The following AKAP6 variants were observed in gnomAD, a reference collection of about 807,000 sequenced individuals.
AKAP6 encodes the protein A-kinase anchor protein 6.
In AKAP6, 58 loss-of-function variants were observed where a neutral mutation model predicts 188.5. That is an observed-to-expected ratio of 0.31 (90% CI 0.25 to 0.38). The LOEUF is 0.38. AKAP6 is among the 10% of genes least tolerant of loss of function. The pLI is 1.00. For missense variants in AKAP6, 2,710 were observed against 2,740.0 expected, an observed-to-expected ratio of 0.99 and a Z score of 0.24; for synonymous variants, 989 against 998.6, an observed-to-expected ratio of 0.99 and a Z score of 0.18.
At chr14:32,447,879 A>G (rs1309328382) in intron 2 of AKAP6, among the ~76,000 whole-genome samples, 2 of 152,218 alleles carry the variant, frequency 1.3e-5, no homozygotes, top group Non-Finnish European at 2.9e-5. Flanking sequence ...TTCAAAGGTT[A>G]AAACAAGTAC....
At chr14:32,739,553 C>T (rs971719180) in intron 11 of AKAP6, among the ~76,000 whole-genome samples, 2 of 152,010 alleles carry the variant, frequency 1.3e-5, no homozygotes, top group Admixed American at 1.3e-4. Context: ...ACCATCCCCC[C>T]TACTCTCTAT....
Position 32,510,070 on chromosome 14 carries a change from T to G in AKAP6, c.325-25484T>G, listed in dbSNP as rs79419910. On this transcript the variant is annotated intron_variant, in intron 2 of 13. Coordinates refer to ENST00000280979, the MANE Select transcript of AKAP6 (RefSeq NM_004274.5). ...TTGATGGGCAAGGACTTGGCTGTATTACTTTGTGGGCGGAGCGCTTAAAGG... is the reference window on the plus strand; with the variant it reads ...TTGATGGGCAAGGACTTGGCTGTATGACTTTGTGGGCGGAGCGCTTAAAGG... Among the ~76,000 whole-genome samples the G allele has an allele frequency of 5.2e-3, 794 of 152,164 alleles. 4 individuals carry two copies. The highest frequency in any genetic ancestry group is 0.014 in the Middle Eastern group (4 of 294).
chr14:32,812,017 C>G (rs1033144859), intron 12 of AKAP6, among the ~76,000 whole-genome samples: 3 of 152,122 alleles, frequency 2.0e-5, no homozygotes, highest in South Asian at 2.1e-4. Flanking sequence ...AACGTAAGAT[C>G]ATTTTCATAA....
intron 11 of AKAP6, among the ~76,000 whole-genome samples, chr14:32,746,066 TG>T: frequency 6.6e-6 from 1 of 152,190 alleles, no homozygotes; most frequent in South Asian, 2.1e-4. Flanking sequence ...TTCAGGGAAG[TG>T]GGCTCCCCTC....
rs915743301 is a variant in AKAP6 at position 32,833,350 on chromosome 14, A to G, written c.*3545A>G. The G allele has an allele frequency of 2.0e-5, 3 of 152,234 alleles. No homozygotes were observed. The highest frequency in any genetic ancestry group is 2.1e-4 in the South Asian group (1 of 4,832). 9.4% of individuals were successfully genotyped at this position (152,234 alleles called of 1,614,324 possible). A position where few individuals can be genotyped will look rare whatever the true frequency, so the allele number is the denominator to read the frequency against. On this transcript the variant is annotated 3_prime_UTR_variant, in exon 14 of 14. Transcript: ENST00000280979. The stretch of plus-strand genomic sequence containing the variant: ...TAGAGTGATTATGACTTTTGTCTCA[A>G]TTAAATGATGACCTCATTTAGTTTC...
At chr14:32,729,431 T>G (rs1335807553) in intron 9 of AKAP6, among the ~76,000 whole-genome samples, 2 of 152,196 alleles carry the variant, frequency 1.3e-5, no homozygotes, top group Non-Finnish European at 2.9e-5. Context: ...TTAGCATTTG[T>G]GCTAAAAGTA....
At chr14:32,386,955 A>G (rs534460190) in intron 1 of AKAP6, among the ~76,000 whole-genome samples, 2 of 152,158 alleles carry the variant, frequency 1.3e-5, no homozygotes, top group East Asian at 3.9e-4. Flanking sequence ...ATTCTGTTCC[A>G]TTAGTGTATG....
chr14:32,779,188 G>A (rs2033161175), intron 12 of AKAP6, among the ~76,000 whole-genome samples: 1 of 151,860 alleles, frequency 6.6e-6, no homozygotes, highest in African/African-American at 2.4e-5. Context: ...TTAACCCCAG[G>A]AGTTTGAGAC....
At chr14:32,480,093 G>A (rs928608643) in intron 2 of AKAP6, among the ~76,000 whole-genome samples, 1 of 152,138 alleles carries the variant, frequency 6.6e-6, no homozygotes, top group Admixed American at 6.6e-5. Context: ...CCTTGGAGTT[G>A]GGGTTTGTGT....
intron 8 of AKAP6, among the ~76,000 whole-genome samples, chr14:32,682,801 T>C (rs1171250493): frequency 6.6e-6 from 1 of 152,124 alleles, no homozygotes; most frequent in African/African-American, 2.4e-5. Flanking sequence ...TCACCACCAG[T>C]TGAGAACCAT....
At position 32,370,774 on chromosome 14, in the gene AKAP6, T is replaced by C. The variant is rs569051208; in HGVS notation, c.-35+41366T>C. On this transcript the variant is annotated intron_variant, in intron 1 of 13. Transcript: ENST00000280979. ...ATGAGAAAATGATTAAAGATCTTTT[T>C]GGGGTTAGAATTTTTTAGTTTTGCT... Among the ~76,000 whole-genome samples the C allele has an allele frequency of 1.1e-4, 16 of 152,314 alleles. No homozygotes were observed. The South Asian group carries it at 3.3e-3, about 32-fold the overall frequency.
chr14:32,656,817 GAGGGTTTGTCACATGTTTATAAAGC>G (rs1284197459), intron 7 of AKAP6, among the ~76,000 whole-genome samples: 1 of 152,112 alleles, frequency 6.6e-6, no homozygotes, highest in East Asian at 1.9e-4. Context: ...GGAAGTTCGT[GAGGGTTTGTCACATGTTTATAAAGC>G]AGGGTTCTAT....
chr14:32,532,715 T>C (rs1251336866), intron 2 of AKAP6, among the ~76,000 whole-genome samples: 1 of 152,194 alleles, frequency 6.6e-6, no homozygotes, highest in Non-Finnish European at 1.5e-5. Context: ...TAAGATATTC[T>C]GCATCTTTAG....
intron 2 of AKAP6, among the ~76,000 whole-genome samples, chr14:32,516,127 A>G (rs1881508796): frequency 6.6e-6 from 1 of 152,212 alleles, no homozygotes. Flanking sequence ...TCTTTGGTAT[A>G]TCATTGATGA....
chr14:32,495,380 T>C (rs1311395530), intron 2 of AKAP6: 4 of 152,194 alleles, frequency 2.6e-5, no homozygotes, highest in Non-Finnish European at 5.9e-5. Context: ...ACACCACATT[T>C]TGGACCTCTT....
At chr14:32,492,353 T>TAGAGAGAGAG (rs779414935) in intron 2 of AKAP6, among the ~76,000 whole-genome samples, 2 of 52,258 alleles carry the variant, frequency 3.8e-5, no homozygotes, top group African/African-American at 8.8e-5. Context: ...TATATATATA[T>TAGAGAGAGAG]ATAGAGAGAG....
chr14:32,627,276 G>A (rs59956748), intron 7 of AKAP6, among the ~76,000 whole-genome samples: 2,342 of 152,066 alleles, frequency 0.015, 75 homozygotes, highest in African/African-American at 0.053. Context: ...TCAGAAAAAC[G>A]AAATAAATGA....
intron 2 of AKAP6, among the ~76,000 whole-genome samples, chr14:32,519,681 C>T (rs1357901883): frequency 1.3e-5 from 2 of 152,100 alleles, no homozygotes. Context: ...TACAGGAGTA[C>T]CCAGATTCAT....
chr14:32,422,176 A>G (rs747323777), intron 1 of AKAP6, among the ~76,000 whole-genome samples: 2 of 152,166 alleles, frequency 1.3e-5, no homozygotes, highest in Non-Finnish European at 2.9e-5. Context: ...ATCTGGAGTT[A>G]GGCCAAGCTT....
Sources: gnomAD v4.1 joint callset for allele counts (sites outside exome capture counted in the v4.1 genomes callset) on GRCh38, gnomAD v4.1.1 for gene constraint, MANE v1.5 for transcripts, NCBI Gene and HGNC (gene_info 2026-07-23, HGNC 2026-07-21) for gene names.